Variants in PCDHA5 observed in about 807,000 individuals in gnomAD.
The protein encoded by PCDHA5 is protocadherin alpha-5.
Under a neutral mutation model 61.6 loss-of-function variants are expected in PCDHA5, and 43 were observed. The observed-to-expected ratio is 0.70, with a 90% CI of 0.55 to 0.90. The LOEUF (loss-of-function observed/expected upper bound fraction) is 0.90. Ranked by LOEUF, PCDHA5 falls within the 40% of genes least tolerant of loss-of-function variation. The pLI is 0.00. For missense variants in PCDHA5, 1,298 were observed against 1,222.7 expected, an observed-to-expected ratio of 1.06 and a Z score of -0.92; for synonymous variants, 627 against 543.9, an observed-to-expected ratio of 1.15 and a Z score of -2.13.
intron 1 of PCDHA5, chr5:140,841,656 G>A (rs2150320289): frequency 6.2e-7 from 1 of 1,614,162 alleles, no homozygotes; most frequent in Admixed American, 1.7e-5. Context: ...ATCGTGGACA[G>A]GCCGCTGCAG....
At chr5:140,948,447 A>G (rs2094256090) in intron 1 of PCDHA5, among the ~76,000 whole-genome samples, 1 of 151,282 alleles carries the variant, frequency 6.6e-6, no homozygotes, top group Non-Finnish European at 1.5e-5. Flanking sequence ...TGTGCCAGGG[A>G]TTTTCTTTTA....
At position 140,855,260 on chromosome 5, in the gene PCDHA5, A is replaced by G. The variant is rs146587233; in HGVS notation, c.2352+31133A>G. ...TACTATTGCAAGCACTTACTATATT[A>G]TAATTCACTCAACCACCGTATTACT... is the stretch of plus-strand genomic sequence containing the variant. On this transcript the variant is annotated intron_variant, in intron 1 of 3. Coordinates refer to ENST00000529859, the MANE Select transcript of PCDHA5 (RefSeq NM_018908.3). Among the ~76,000 whole-genome samples, 51 of 149,956 alleles carry G rather than the reference A, an allele frequency of 3.4e-4. No homozygotes were observed. In the East Asian group the frequency reaches 7.5e-3, roughly 22 times the overall value.
At position 140,849,621 on chromosome 5, in the gene PCDHA5, G is replaced by C. The variant is rs2150442688; in HGVS notation, c.2352+25494G>C. 15 of 1,598,666 alleles carry C rather than the reference G, an allele frequency of 9.4e-6. 1 individual carries two copies. The highest frequency in any genetic ancestry group is 1.7e-5 in the Admixed American group (1 of 59,290). ...AGTTATTGCCCTGATTAGTGTGATCGACCTAGACGCAGATGCCAACGGGCA... is the reference window on the plus strand; with the variant it reads ...AGTTATTGCCCTGATTAGTGTGATCCACCTAGACGCAGATGCCAACGGGCA... On this transcript the variant is annotated intron_variant, in intron 1 of 3. Coordinates refer to ENST00000529859, the MANE Select transcript of PCDHA5 (RefSeq NM_018908.3).
At position 140,877,018 on chromosome 5, in the gene PCDHA5, A is replaced by C; in HGVS notation, c.2352+52891A>C. On this transcript the variant is annotated intron_variant, in intron 1 of 3. Transcript: ENST00000529859. ...CGTGTCGGTGCACGCGGAGAGCGGC[A>C]AGGTGTACGCGCTGCAGCCGCTAGA... 1 of 1,612,420 alleles carries C rather than the reference A, an allele frequency of 6.2e-7. No homozygotes were observed. Among genetic ancestry groups the C allele is most frequent in the Non-Finnish European group, 8.5e-7 (1 of 1,179,802 alleles).
intron 1 of PCDHA5, among the ~76,000 whole-genome samples, chr5:140,840,071 T>C (rs1307463019): frequency 6.6e-6 from 1 of 151,952 alleles, no homozygotes; most frequent in Non-Finnish European, 1.5e-5. Flanking sequence ...AATTAGTCAA[T>C]AGAAAGATAA....
At chr5:141,008,905 A>G (rs1212655574) in intron 3 of PCDHA5, among the ~76,000 whole-genome samples, 2 of 152,256 alleles carry the variant, frequency 1.3e-5, no homozygotes, top group African/African-American at 4.8e-5. Flanking sequence ...TAAAATTAAG[A>G]TCAAATAATT....
At chr5:140,849,831 GC>G in intron 1 of PCDHA5, 1 of 1,598,564 alleles carries the variant, frequency 6.3e-7, no homozygotes, top group Non-Finnish European at 8.6e-7. Context: ...TGTGGAGGTG[GC>G]CGACGTGAAC....
At chr5:140,947,059 A>G (rs1297447274) in intron 1 of PCDHA5, among the ~76,000 whole-genome samples, 2 of 151,742 alleles carry the variant, frequency 1.3e-5, no homozygotes, top group Admixed American at 1.3e-4. Flanking sequence ...ATCATTACAC[A>G]GTGTATATAT....
intron 1 of PCDHA5, among the ~76,000 whole-genome samples, chr5:140,895,085 C>T (rs144485224): frequency 2.0e-5 from 3 of 152,298 alleles, no homozygotes; most frequent in Non-Finnish European, 4.4e-5. Flanking sequence ...AGTTCCTCCT[C>T]AGTATAGGGG....
At chr5:140,933,119 G>A (rs782069505) in intron 1 of PCDHA5, among the ~76,000 whole-genome samples, 1 of 151,936 alleles carries the variant, frequency 6.6e-6, no homozygotes, top group African/African-American at 2.4e-5. Context: ...AAGAAACAAA[G>A]CTAAATAATA....
chr5:140,928,082 T>G, intron 1 of PCDHA5: 1 of 1,614,212 alleles, frequency 6.2e-7, no homozygotes, highest in Non-Finnish European at 8.5e-7. Context: ...TACTACAGCC[T>G]GCTGATTGAT....
intron 1 of PCDHA5, among the ~76,000 whole-genome samples, chr5:140,942,542 G>C (rs1023135030): frequency 6.6e-5 from 10 of 152,046 alleles, no homozygotes; most frequent in African/African-American, 2.4e-4. Flanking sequence ...AGTATGGTGG[G>C]GGGTAGGGGG....
At chr5:140,860,679 T>C (rs1465789150) in intron 1 of PCDHA5, 1 of 152,238 alleles carries the variant, frequency 6.6e-6, no homozygotes, top group Non-Finnish European at 1.5e-5. Flanking sequence ...AATGCACTTA[T>C]GTTTTGAGCG....
chr5:140,829,393 G>A, intron 1 of PCDHA5: 1 of 1,614,050 alleles, frequency 6.2e-7, no homozygotes, highest in African/African-American at 1.3e-5. Flanking sequence ...GCTCGCCTTC[G>A]CTGTGGGCCA....
chr5:140,927,245 A>G (rs1197319664), intron 1 of PCDHA5: 6 of 1,613,948 alleles, frequency 3.7e-6, no homozygotes, highest in South Asian at 2.2e-5. Flanking sequence ...CTGGACACCA[A>G]TGACAACTCA....
chr5:140,995,930 A>G (rs186484511), intron 3 of PCDHA5, among the ~76,000 whole-genome samples: 1 of 152,342 alleles, frequency 6.6e-6, no homozygotes, highest in Admixed American at 6.5e-5. Context: ...TGTTGTAAGT[A>G]TTAAATGACA....
chr5:140,849,825 G>A, intron 1 of PCDHA5: 1 of 1,598,526 alleles, frequency 6.3e-7, no homozygotes, highest in Non-Finnish European at 8.6e-7. Context: ...GGTGTCTGTG[G>A]AGGTGGCCGA....
intron 1 of PCDHA5, among the ~76,000 whole-genome samples, chr5:140,921,089 T>C (rs2080011859): frequency 6.6e-6 from 1 of 151,966 alleles, no homozygotes; most frequent in African/African-American, 2.4e-5. Context: ...AAGAGAATCC[T>C]CCTGCCTCAG....
chr5:140,934,822 T>C (rs2090051776), intron 1 of PCDHA5, among the ~76,000 whole-genome samples: 1 of 152,218 alleles, frequency 6.6e-6, no homozygotes. Flanking sequence ...ATGCTAACTT[T>C]GGCAAGTTGG....
Sources: gnomAD v4.1 joint callset for allele counts (sites outside exome capture counted in the v4.1 genomes callset) on GRCh38, gnomAD v4.1.1 for gene constraint, MANE v1.5 for transcripts, NCBI Gene and HGNC (gene_info 2026-07-23, HGNC 2026-07-21) for gene names.